SLC36A4: variants seen among roughly 807,000 people sequenced by gnomAD.
The protein encoded by SLC36A4 is neutral amino acid uniporter 4.
A neutral mutation model predicts 50.5 loss-of-function variants in SLC36A4; 49 were observed. The observed-to-expected ratio is 0.97, with a 90% CI of 0.77 to 1.23. The LOEUF (loss-of-function observed/expected upper bound fraction) is 1.23. SLC36A4 is among the 50% of genes most tolerant of loss of function. SLC36A4 has a pLI of 0.00. For synonymous variants in SLC36A4, 207 were observed against 206.5 expected (o/e 1.00, Z -0.02); for missense variants, 611 against 608.4 (o/e 1.00, Z -0.05).
rs1027541700 is a variant in SLC36A4, at chr11:93,146,544, A to C, written c.*1993T>G. On this transcript the variant is annotated 3_prime_UTR_variant, in exon 11 of 11. Transcript: ENST00000326402. Reference sequence around the variant, plus strand: ...GGTTAAAAAAGTTTTGATTCTTATGACTTTGTACCAAAATAAAGCTTCTGA... The same window carrying C: ...GGTTAAAAAAGTTTTGATTCTTATGCCTTTGTACCAAAATAAAGCTTCTGA... 3 of 152,100 alleles carry C rather than the reference A, an allele frequency of 2.0e-5. No homozygotes were observed. Among genetic ancestry groups the C allele is most frequent in the Non-Finnish European group, 4.4e-5 (3 of 67,916 alleles). The allele number at this position is 152,100 out of a possible 1,614,324, so 9.4% of individuals were successfully genotyped here.
intron 6 of SLC36A4, 113 bp downstream of exon 6, chr11:93,180,684 T>C: frequency 5.2e-6 from 4 of 768,964 alleles, no homozygotes; most frequent in Non-Finnish European, 8.6e-6. Flanking sequence ...AGGAAGATCA[T>C]TTATGAAAGG....
At chr11:93,159,727 A>T in intron 9 of SLC36A4, 1 of 699,328 alleles carries the variant, frequency 1.4e-6, no homozygotes, top group Non-Finnish European at 1.8e-6. Flanking sequence ...GTACAGTATT[A>T]CTCATAACTA....
At chr11:93,172,984 T>C (rs1226208866) in intron 6 of SLC36A4, among the ~76,000 whole-genome samples, 2 of 150,184 alleles carry the variant, frequency 1.3e-5, no homozygotes, top group East Asian at 2.0e-4. Flanking sequence ...CTGGGTCAAA[T>C]GGTATTTCCA....
chr11:93,186,342 T>C (rs1416980396), intron 1 of SLC36A4, among the ~76,000 whole-genome samples: 1 of 152,198 alleles, frequency 6.6e-6, no homozygotes, highest in Admixed American at 6.5e-5. Flanking sequence ...CAGGTTAACA[T>C]TGATGCAATA....
chr11:93,160,814 T>C (rs1158294647), intron 9 of SLC36A4: 27 of 876,354 alleles, frequency 3.1e-5, no homozygotes, highest in African/African-American at 3.6e-5. Flanking sequence ...GAAATGATTA[T>C]TTTTAAGACC....
rs370183787 is a variant in SLC36A4, at chr11:93,180,925, A to T, written c.456-44T>A. On this transcript the variant is annotated intron_variant, in intron 5 of 10. Transcript: ENST00000326402. ...AAATGAGTATCCAGGAGAGCTACTGAAATGTCAATATATTTTATTTCTCTT... is the reference window on the plus strand; with the variant it reads ...AAATGAGTATCCAGGAGAGCTACTGTAATGTCAATATATTTTATTTCTCTT... 2.4e-5 allele frequency: 29 copies of T among 1,220,276 alleles called. No homozygotes were observed. The African/African-American group carries it at 3.9e-4, about 16-fold the overall frequency. The allele number at this position is 1,220,276 out of a possible 1,614,324, so 75.6% of individuals were successfully genotyped here.
At chr11:93,194,671 A>T (rs1862348867) in intron 1 of SLC36A4, among the ~76,000 whole-genome samples, 1 of 152,178 alleles carries the variant, frequency 6.6e-6, no homozygotes, top group Non-Finnish European at 1.5e-5. Flanking sequence ...ATTACCCACA[A>T]ATTACTACTG....
At chr11:93,157,974 G>T (rs1209189998) in intron 9 of SLC36A4, among the ~76,000 whole-genome samples, 1 of 152,178 alleles carries the variant, frequency 6.6e-6, no homozygotes, top group African/African-American at 2.4e-5. Context: ...AGCAAGAAGA[G>T]ATTCAATAGT....
rs931322700 is a variant in SLC36A4 at position 93,146,826 on chromosome 11, A to G, written c.*1711T>C. Reference sequence around the variant, plus strand: ...TTTCATTTTCCCCACTAACTGAGAGATTCTTTATCTTGGTTAATAACTTGA... The same window carrying G: ...TTTCATTTTCCCCACTAACTGAGAGGTTCTTTATCTTGGTTAATAACTTGA... On this transcript the variant is annotated 3_prime_UTR_variant, in exon 11 of 11. Coordinates refer to ENST00000326402, the MANE Select transcript of SLC36A4 (RefSeq NM_152313.4). 1 of 152,054 alleles carries G rather than the reference A, an allele frequency of 6.6e-6. No homozygotes were observed. Among genetic ancestry groups the G allele is most frequent in the African/African-American group, 2.4e-5 (1 of 41,434 alleles). The allele number at this position is 152,054 out of a possible 1,614,324, so 9.4% of individuals were successfully genotyped here. A position where few individuals can be genotyped will look rare whatever the true frequency, so the allele number is the denominator to read the frequency against.
At chr11:93,158,477 T>C (rs1276904119) in intron 9 of SLC36A4, among the ~76,000 whole-genome samples, 2 of 152,112 alleles carry the variant, frequency 1.3e-5, no homozygotes, top group South Asian at 2.1e-4. Context: ...AATATTACTA[T>C]TTGGTGTTAC....
chr11:93,179,417 T>G (rs1861638430), intron 6 of SLC36A4, among the ~76,000 whole-genome samples: 1 of 152,190 alleles, frequency 6.6e-6, no homozygotes, highest in South Asian at 2.1e-4. Context: ...CAAGGCTATT[T>G]TAAAAAGTTA....
At chr11:93,185,916 T>C in intron 1 of SLC36A4, 102 bp from the exon 2 acceptor site, 1 of 1,012,316 alleles carries the variant, frequency 9.9e-7, no homozygotes. Context: ...TTTGTACTCA[T>C]CTTTACTATT....
In SLC36A4 at chr11:93,168,033, G is replaced by T. The variant is rs1162550205; in HGVS notation, c.679C>A (p.Arg227Ser). The T allele has an allele frequency of 6.2e-7, 1 of 1,612,040 alleles. No homozygotes were observed. The highest frequency in any genetic ancestry group is 2.2e-5 in the East Asian group (1 of 44,814). ...LPFIILLVFI[R>S]ELKNLFVLSF... The stretch of plus-strand genomic sequence containing the variant: ...AGTACAAATAGATTCTTTAGTTCAC[G>T]AATGAAGACCAAAAGAATTATAAAT... The change falls in exon 7 of 11, where the codon CGT becomes AGT. Residue 227 changes from arginine to serine, a missense_variant. By Grantham distance (110) the Arg-to-Ser change is moderately radical. Transcript: ENST00000326402.
At chr11:93,178,847 G>A (rs1861609837) in intron 6 of SLC36A4, among the ~76,000 whole-genome samples, 1 of 152,128 alleles carries the variant, frequency 6.6e-6, no homozygotes. Flanking sequence ...CCTAGCCAGA[G>A]CAATCAGACA....
chr11:93,186,278 G>A (rs568292820), intron 1 of SLC36A4, among the ~76,000 whole-genome samples: 1 of 152,064 alleles, frequency 6.6e-6, no homozygotes, highest in East Asian at 1.9e-4. Context: ...CACTTTATCA[G>A]TGTGTATTTC....
At chr11:93,185,145 A>C (rs11020192) in intron 2 of SLC36A4, 32,913 of 152,212 alleles carry the variant, frequency 0.22, 4,027 homozygotes, top group East Asian at 0.43. Flanking sequence ...CATCAGGAAG[A>C]AATAAGTTGA....
At chr11:93,154,518 A>C (rs1860259432) in intron 9 of SLC36A4, 1 of 216,000 alleles carries the variant, frequency 4.6e-6, no homozygotes, top group African/African-American at 2.3e-5. Context: ...GGTTTAGGGT[A>C]TAGTGGTAAA....
intron 6 of SLC36A4, among the ~76,000 whole-genome samples, chr11:93,175,507 T>G (rs1483643310): frequency 6.6e-6 from 1 of 150,502 alleles, no homozygotes; most frequent in Non-Finnish European, 1.5e-5. Context: ...ATGTGTTCGC[T>G]CTTGCTTTTC....
intron 6 of SLC36A4, among the ~76,000 whole-genome samples, 183 bp downstream of exon 6, chr11:93,180,614 A>C (rs1264514456): frequency 1.3e-5 from 2 of 152,110 alleles, no homozygotes; most frequent in African/African-American, 4.8e-5. Context: ...AAAACAGTGA[A>C]ATCAACAATT....
Sources: gnomAD v4.1 joint callset for allele counts (sites outside exome capture counted in the v4.1 genomes callset) on GRCh38, gnomAD v4.1.1 for gene constraint, MANE v1.5 for transcripts, NCBI Gene and HGNC (gene_info 2026-07-23, HGNC 2026-07-21) for gene names.